Variants in PDE4D observed in about 807,000 individuals in gnomAD.
PDE4D encodes phosphodiesterase 4D, also known as 3',5'-cyclic-AMP phosphodiesterase 4D.
In PDE4D, 24 loss-of-function variants were observed where a neutral mutation model predicts 87.4. The ratio of observed to expected loss-of-function variants is 0.27; its 90% CI spans 0.20 to 0.39. The LOEUF (loss-of-function observed/expected upper bound fraction) is 0.39, where lower values mean the gene tolerates loss of function less well. Ranked by LOEUF, PDE4D falls within the 10% of genes least tolerant of loss-of-function variation. PDE4D has a pLI of 1.00. For synonymous variants in PDE4D, 384 were observed against 383.2 expected (o/e 1.00, Z -0.02); for missense variants, 714 against 1,041.0 (o/e 0.69, Z 4.32).
chr5:60,091,335 A>T (rs749606683), intron 2 of PDE4D, among the ~76,000 whole-genome samples: 2 of 152,196 alleles, frequency 1.3e-5, no homozygotes, highest in African/African-American at 4.8e-5. Flanking sequence ...ATGAATAGAC[A>T]TTTCTCAAAG....
At chr5:59,328,115 T>C (rs1009838697) in intron 1 of PDE4D, among the ~76,000 whole-genome samples, 3 of 152,252 alleles carry the variant, frequency 2.0e-5, no homozygotes, top group African/African-American at 7.2e-5. Context: ...TTATTAGAAA[T>C]AGCACAATAT....
intron 1 of PDE4D, among the ~76,000 whole-genome samples, chr5:59,691,617 G>A (rs1750942789): frequency 6.6e-6 from 1 of 151,682 alleles, no homozygotes; most frequent in South Asian, 2.1e-4. Context: ...TATACGTAAT[G>A]TAAATGACAA....
At chr5:60,174,987 G>A (rs1053399608) in intron 2 of PDE4D, among the ~76,000 whole-genome samples, 1 of 151,908 alleles carries the variant, frequency 6.6e-6, no homozygotes, top group Non-Finnish European at 1.5e-5. Context: ...TTTTTTCAGC[G>A]ATTTTTTTCT....
At position 59,241,550 on chromosome 5, in the gene PDE4D, G is replaced by T. The variant is rs928027785; in HGVS notation, c.456-25582C>A. Among the ~76,000 whole-genome samples the T allele has an allele frequency of 2.0e-5, 3 of 152,288 alleles. No individual in the cohort carries two copies. In the South Asian group the frequency reaches 6.2e-4, roughly 32 times the overall value. The stretch of plus-strand genomic sequence containing the variant: ...TTGTTAGAGAGAATATTTGTTAAGC[G>T]CCCAGCTTAAGGACACACACAAAAC... On this transcript the variant is annotated intron_variant, in intron 1 of 14. Coordinates refer to ENST00000340635, the MANE Select transcript of PDE4D (RefSeq NM_001104631.2).
intron 1 of PDE4D, among the ~76,000 whole-genome samples, chr5:59,338,436 A>ATGGAC (rs1778118894): frequency 6.6e-6 from 1 of 152,212 alleles, no homozygotes; most frequent in African/African-American, 2.4e-5. Flanking sequence ...ACAGGAAACA[A>ATGGAC]TGGACTCAGC....
At chr5:60,296,876 G>A (rs989447969) in intron 1 of PDE4D, among the ~76,000 whole-genome samples, 2 of 152,220 alleles carry the variant, frequency 1.3e-5, no homozygotes, top group East Asian at 1.9e-4. Context: ...TCACTCATAA[G>A]TGGGAGTTGA....
chr5:59,904,766 A>AT, intron 3 of PDE4D, among the ~76,000 whole-genome samples: 1 of 152,170 alleles, frequency 6.6e-6, no homozygotes, highest in Non-Finnish European at 1.5e-5. Context: ...ACTAACTCAG[A>AT]TTGGAGCCCA....
At chr5:59,491,012 C>T (rs1485181980) in intron 1 of PDE4D, among the ~76,000 whole-genome samples, 3 of 152,222 alleles carry the variant, frequency 2.0e-5, no homozygotes, top group Non-Finnish European at 4.4e-5. Flanking sequence ...TTATTTCTCT[C>T]TGAACCTACC....
intron 1 of PDE4D, among the ~76,000 whole-genome samples, chr5:59,231,347 A>G (rs557823624): frequency 5.9e-5 from 9 of 152,234 alleles, no homozygotes; most frequent in Non-Finnish European, 1.2e-4. Flanking sequence ...TTCCCTTGCA[A>G]TTAGATTTGG....
intron 1 of PDE4D, among the ~76,000 whole-genome samples, chr5:59,378,492 A>G (rs893683163): frequency 6.6e-6 from 1 of 152,232 alleles, no homozygotes; most frequent in Non-Finnish European, 1.5e-5. Flanking sequence ...ATAGTCCTCC[A>G]TCTCCTAGGT....
intron 1 of PDE4D, among the ~76,000 whole-genome samples, chr5:59,687,825 T>C (rs201119343): frequency 1.2e-4 from 18 of 151,978 alleles, no homozygotes; most frequent in East Asian, 1.2e-3. Context: ...AGGAGACCCA[T>C]CTCACGTGCA....
At chr5:60,156,401 G>A (rs1056965185) in intron 2 of PDE4D, among the ~76,000 whole-genome samples, 5 of 152,108 alleles carry the variant, frequency 3.3e-5, no homozygotes, top group Non-Finnish European at 7.3e-5. Flanking sequence ...TTCCCCTAGA[G>A]TGAGCTTTCC....
chr5:60,521,832 A>T (rs941919843), intron 1 of PDE4D: 1 of 152,094 alleles, frequency 6.6e-6, no homozygotes, highest in African/African-American at 2.4e-5. Flanking sequence ...GGGAGAAGAC[A>T]TTGGAATCTC....
At position 59,820,815 on chromosome 5, in the gene PDE4D, A is replaced by G. The variant is rs932630360; in HGVS notation, c.455+72353T>C. Among the ~76,000 whole-genome samples, 13 of 152,346 alleles carry G rather than the reference A, an allele frequency of 8.5e-5. 1 individual carries two copies. Among genetic ancestry groups the G allele is most frequent in the African/African-American group, 2.6e-4 (11 of 41,574 alleles). On this transcript the variant is annotated intron_variant, in intron 1 of 14. Coordinates refer to ENST00000340635, the MANE Select transcript of PDE4D (RefSeq NM_001104631.2). ...GAACATTAAAATATTGTTTGTGTTT[A>G]AGGTCTCAGTAAGCGATAACTACTC...
chr5:59,757,669 T>A (rs192854109), intron 1 of PDE4D, among the ~76,000 whole-genome samples: 290 of 152,300 alleles, frequency 1.9e-3, no homozygotes, highest in African/African-American at 6.7e-3. Context: ...TAGCCGGCCA[T>A]CATTCCCAGC....
At chr5:59,784,861 T>C (rs781354326) in intron 1 of PDE4D, among the ~76,000 whole-genome samples, 4 of 152,098 alleles carry the variant, frequency 2.6e-5, no homozygotes, top group Non-Finnish European at 4.4e-5. Flanking sequence ...AGTGAATAAG[T>C]CTCACAAGAT....
intron 1 of PDE4D, among the ~76,000 whole-genome samples, chr5:59,792,953 G>T (rs1297483238): frequency 6.6e-6 from 1 of 152,166 alleles, no homozygotes; most frequent in East Asian, 1.9e-4. Context: ...CAGAAAGAAT[G>T]ATCATGACAT....
intron 5 of PDE4D, among the ~76,000 whole-genome samples, chr5:59,117,954 T>C (rs1282891070): frequency 1.3e-5 from 2 of 152,146 alleles, no homozygotes; most frequent in Non-Finnish European, 2.9e-5. Context: ...CTTTCCAGTA[T>C]AAATTCAAAT....
chr5:60,402,790 C>T (rs1361246250), intron 1 of PDE4D, among the ~76,000 whole-genome samples: 1 of 152,198 alleles, frequency 6.6e-6, no homozygotes, highest in African/African-American at 2.4e-5. Context: ...AGCTGTGAAA[C>T]AGTCCTAAAA....
Sources: gnomAD v4.1 joint callset for allele counts (sites outside exome capture counted in the v4.1 genomes callset) on GRCh38, gnomAD v4.1.1 for gene constraint, MANE v1.5 for transcripts, NCBI Gene and HGNC (gene_info 2026-07-23, HGNC 2026-07-21) for gene names.